The following GNPAT variants were observed in gnomAD, a reference collection of about 807,000 sequenced individuals.
The protein encoded by GNPAT is dihydroxyacetone phosphate acyltransferase.
A neutral mutation model predicts 78.4 loss-of-function variants in GNPAT; 30 were observed. That is an observed-to-expected ratio of 0.38 (90% CI 0.29 to 0.52). The LOEUF (loss-of-function observed/expected upper bound fraction) is 0.52, where lower values mean the gene tolerates loss of function less well. Among genes scored for constraint, GNPAT ranks in the 20% least tolerant of loss-of-function variants. GNPAT has a pLI of 0.84. For missense variants in GNPAT, 714 were observed against 812.2 expected (o/e 0.88, Z 1.47); for synonymous variants, 271 against 281.1 (o/e 0.96, Z 0.36).
In GNPAT at chr1:231,267,860, A is replaced by G; in HGVS notation, c.1236A>G (p.Leu412=). The change falls in exon 9 of 16, where the codon CTA becomes CTG. Residue 412 remains leucine (L), a synonymous_variant. Coordinates refer to ENST00000366647, the MANE Select transcript of GNPAT (RefSeq NM_014236.4). ...CTCTGGTGGAAAAGACTTTATGGCT[A>G]AAAGGCTTAACCCAGGCATTTGGAG... ...FDALVEKTLW[L]KGLTQAFGGF... is the part of the protein sequence containing the mutation. 2.5e-6 allele frequency: 4 copies of G among 1,613,498 alleles called. No individual in the cohort carries two copies. Among genetic ancestry groups the G allele is most frequent in the Non-Finnish European group, 3.4e-6 (4 of 1,179,380 alleles).
chr1:231,243,188 A>T (rs991167498), intron 1 of GNPAT, among the ~76,000 whole-genome samples: 2 of 152,250 alleles, frequency 1.3e-5, no homozygotes, highest in East Asian at 3.8e-4. Flanking sequence ...ACAGTTAAGT[A>T]TGGTAAGGGC....
chr1:231,255,404 TCTC>T (rs1241260131), intron 2 of GNPAT, among the ~76,000 whole-genome samples: 1 of 152,102 alleles, frequency 6.6e-6, no homozygotes, highest in Non-Finnish European at 1.5e-5. Flanking sequence ...CGTCTACCTC[TCTC>T]CTCCTCTTTT....
chr1:231,245,883 C>T (rs1339559183), intron 1 of GNPAT, among the ~76,000 whole-genome samples: 2 of 151,994 alleles, frequency 1.3e-5, no homozygotes, highest in East Asian at 1.9e-4. Context: ...GCAGGAGAAT[C>T]GCTTGAACCC....
At chr1:231,256,455 A>C (rs1419965536) in intron 2 of GNPAT, among the ~76,000 whole-genome samples, 1 of 145,060 alleles carries the variant, frequency 6.9e-6, no homozygotes, top group Non-Finnish European at 1.5e-5. Flanking sequence ...ATACGCTGTC[A>C]GTCACTAAGA....
rs1232404856 is a variant in GNPAT at position 231,267,922 on chromosome 1, T to C, written c.1279+19T>C. The C allele has an allele frequency of 4.3e-6, 6 of 1,398,014 alleles. No individual in the cohort carries two copies. Among genetic ancestry groups the C allele is most frequent in the Non-Finnish European group, 6.1e-6 (6 of 982,682 alleles). The allele number at this position is 1,398,014 out of a possible 1,614,324, so 86.6% of individuals were successfully genotyped here. Reference sequence around the variant, plus strand: ...TGGCCTGGTATGTAGGTAGGACATATGTGTTGAGAATGCTTGCTTAATTTG... The same window carrying C: ...TGGCCTGGTATGTAGGTAGGACATACGTGTTGAGAATGCTTGCTTAATTTG... On this transcript the variant is annotated intron_variant, in intron 9 of 15. Transcript: ENST00000366647.
At chr1:231,271,444 G>A (rs74560427) in intron 10 of GNPAT, among the ~76,000 whole-genome samples, 242 of 152,236 alleles carry the variant, frequency 1.6e-3, no homozygotes, top group East Asian at 0.01. Flanking sequence ...TACAGTACAC[G>A]TCATGTTCAC....
chr1:231,267,705 G>A lies in GNPAT; in HGVS notation c.1081G>A (p.Asp361Asn). The A allele has an allele frequency of 1.2e-6, 2 of 1,601,078 alleles. No individual in the cohort carries two copies. The highest frequency in any genetic ancestry group is 1.7e-5 in the Admixed American group (1 of 60,002). The change falls in exon 9 of 16, where the codon GAC becomes AAC. Residue 361 changes from aspartate (D) to asparagine (N), a missense_variant. Asp to Asn is a conservative substitution (Grantham distance 23). Coordinates refer to ENST00000366647, the MANE Select transcript of GNPAT (RefSeq NM_014236.4). ...ATACATTCCTCAGAAACAGTCTGAG[G>A]ACATGCATGCCTTTGTCACTGAAGT... ...PRYIPQKQSEDMHAFVTEVAY... is the reference protein window; with the variant it reads ...PRYIPQKQSENMHAFVTEVAY...
intron 1 of GNPAT, among the ~76,000 whole-genome samples, chr1:231,247,228 T>C (rs1033085407): frequency 2.6e-5 from 4 of 152,108 alleles, no homozygotes; most frequent in African/African-American, 7.2e-5. Context: ...TTGAGCCTTA[T>C]ACTGTGAATA....
rs150359025 is a variant in GNPAT, at chr1:231,272,880, CA to C, written c.1602+490del. Among the ~76,000 whole-genome samples the C allele has an allele frequency of 8.2e-3, 1,253 of 152,226 alleles. 12 individuals are homozygous for C. Among genetic ancestry groups the C allele is most frequent in the Non-Finnish European group, 0.012 (785 of 68,012 alleles). On this transcript the variant is annotated intron_variant, in intron 11 of 15. Transcript: ENST00000366647. Reference sequence around the variant, plus strand: ...GCTACTCAGGAGGCTGAGGCTGAGGCAGGAGAATCACTTGAACCCGGGAGGT... The same window carrying C: ...GCTACTCAGGAGGCTGAGGCTGAGGCGGAGAATCACTTGAACCCGGGAGGT...
Position 231,260,590 on chromosome 1 carries a change from T to G in GNPAT, c.345T>G (p.Arg115=). 2 of 1,612,336 alleles carry G rather than the reference T, an allele frequency of 1.2e-6. No homozygotes were observed. Among genetic ancestry groups the G allele is most frequent in the South Asian group, 1.1e-5 (1 of 91,032 alleles). ...EILDEMSHKL[R]LGAIRFCAFT... The stretch of plus-strand genomic sequence containing the variant: ...TAGATGAAATGAGTCACAAACTGCG[T>G]CTTGGAGCCATTCGGTTTTGTGCCT... The change falls in exon 3 of 16, where the codon CGT becomes CGG. Residue 115 remains arginine (R), a synonymous_variant. Transcript: ENST00000366647.
rs1266671647 is a variant in GNPAT at position 231,266,043 on chromosome 1, T to C, written c.802T>C (p.Phe268Leu). 1 of 1,612,998 alleles carries C rather than the reference T, an allele frequency of 6.2e-7. No homozygotes were observed. Among genetic ancestry groups the C allele is most frequent in the Admixed American group, 1.7e-5 (1 of 60,024 alleles). Residue 268 changes from phenylalanine (F) to leucine (L), a missense_variant, in exon 7 of 16, where the codon TTT becomes CTT. By Grantham distance (22) the Phe-to-Leu change is conservative. Transcript: ENST00000366647. Reference sequence around the variant, plus strand: ...TCTGAATATTGTGATGGAGCCATTTTTTAAAAGAGAAGTTTTTGATACCTA... The same window carrying C: ...TCTGAATATTGTGATGGAGCCATTTCTTAAAAGAGAAGTTTTTGATACCTA... ...GLLNIVMEPF[F>L]KREVFDTYLV...
chr1:231,248,817 A>G lies in GNPAT; in HGVS notation c.79-2144A>G, dbSNP rs535562357. Among the ~76,000 whole-genome samples the G allele has an allele frequency of 5.9e-5, 9 of 152,318 alleles. No homozygotes were observed. The South Asian group carries it at 8.3e-4, about 14-fold the overall frequency. Reference sequence around the variant, plus strand: ...GTACCATTGTGTTACAATCACTTATAGCATTCAGTACAGTAACATGCTGTA... The same window carrying G: ...GTACCATTGTGTTACAATCACTTATGGCATTCAGTACAGTAACATGCTGTA... On this transcript the variant is annotated intron_variant, in intron 1 of 15. Coordinates refer to ENST00000366647, the MANE Select transcript of GNPAT (RefSeq NM_014236.4).
intron 4 of GNPAT, among the ~76,000 whole-genome samples, chr1:231,264,078 A>G (rs1396337603): frequency 6.6e-6 from 1 of 152,130 alleles, no homozygotes; most frequent in Non-Finnish European, 1.5e-5. Context: ...GATGCATGGA[A>G]GTTTTTAATT....
intron 1 of GNPAT, among the ~76,000 whole-genome samples, chr1:231,245,515 C>T (rs556279957): frequency 4.2e-4 from 64 of 152,228 alleles, no homozygotes; most frequent in African/African-American, 1.5e-3. Flanking sequence ...CCTCCCAGAT[C>T]ACTGGGATTA....
chr1:231,274,273 C>G (rs1558339673), intron 12 of GNPAT, among the ~76,000 whole-genome samples: 2 of 152,160 alleles, frequency 1.3e-5, no homozygotes, highest in Non-Finnish European at 2.9e-5. Flanking sequence ...ATTACAGACC[C>G]AAGAGGACAA....
chr1:231,273,105 C>A lies in GNPAT; in HGVS notation c.1602+714C>A, dbSNP rs538068222. Among the ~76,000 whole-genome samples the A allele has an allele frequency of 3.2e-3, 494 of 152,236 alleles. 2 individuals carry two copies. The highest frequency in any genetic ancestry group is 4.1e-3 in the Non-Finnish European group (279 of 68,014). On this transcript the variant is annotated intron_variant, in intron 11 of 15. Transcript: ENST00000366647. ...TGCTGGTCCTGCCTGGTCTAGACAG[C>A]TGAGGGGTCATCAGGCTCGCAGAGC...
chr1:231,241,322 A>G lies in GNPAT; in HGVS notation c.-57A>G. The G allele has an allele frequency of 6.8e-7, 1 of 1,478,402 alleles. No homozygotes were observed. The highest frequency in any genetic ancestry group is 9.5e-7 in the Non-Finnish European group (1 of 1,056,228). 91.6% of individuals were successfully genotyped at this position (1,478,402 alleles called of 1,614,324 possible). A position where few individuals can be genotyped will look rare whatever the true frequency, so the allele number is the denominator to read the frequency against. ...GAGCGAAAGAACCGCCCCCAGCAGG[A>G]GCACCACCACGGCTTAGCAAAGAAT... On this transcript the variant is annotated 5_prime_UTR_variant, in exon 1 of 16. Coordinates refer to ENST00000366647, the MANE Select transcript of GNPAT (RefSeq NM_014236.4).
intron 2 of GNPAT, among the ~76,000 whole-genome samples, chr1:231,258,778 C>T (rs1268432064): frequency 6.6e-6 from 1 of 150,908 alleles, no homozygotes; most frequent in Non-Finnish European, 1.5e-5. Flanking sequence ...CTATAGTCAC[C>T]CACCACCACA....
At chr1:231,251,209 C>T (rs553845264) in intron 2 of GNPAT, 66 bp downstream of exon 2, 83 of 935,278 alleles carry the variant, frequency 8.9e-5, no homozygotes, top group Non-Finnish European at 9.6e-5. Flanking sequence ...AATTCTATAA[C>T]TTATTTTGCT....
Sources: allele counts gnomAD v4.1 joint callset (sites outside exome capture counted in the v4.1 genomes callset), GRCh38; gene constraint gnomAD v4.1.1; transcripts MANE v1.5; gene names NCBI Gene and HGNC (gene_info 2026-07-23, HGNC 2026-07-21).